Variants in L3MBTL4 observed in about 807,000 individuals in gnomAD.
L3MBTL4 encodes L3MBTL histone methyl-lysine binding protein 4.
L3MBTL4 carries 70 observed loss-of-function variants against 84.5 expected under a neutral mutation model. That is an observed-to-expected ratio of 0.83 (90% confidence interval 0.68 to 1.01). L3MBTL4 has a LOEUF of 1.01. Ranked by LOEUF, L3MBTL4 falls within the 50% of genes least tolerant of loss-of-function variation. The pLI, the probability that L3MBTL4 is intolerant of heterozygous loss-of-function variation, is 0.00. For missense variants in L3MBTL4, 715 were observed against 754.8 expected (o/e 0.95, Z 0.62); for synonymous variants, 274 against 259.8 (o/e 1.05, Z -0.52).
At chr18:5,958,070 GAAGA>G (rs2095239377) in intron 18 of L3MBTL4, among the ~76,000 whole-genome samples, 4 of 35,752 alleles carry the variant, frequency 1.1e-4, no homozygotes, top group Non-Finnish European at 1.6e-4. Flanking sequence ...AGGAGAAGAA[GAAGA>G]AGAAGAAGAA....
At chr18:6,147,892 A>G (rs770121501) in intron 13 of L3MBTL4, among the ~76,000 whole-genome samples, 16 of 152,210 alleles carry the variant, frequency 1.1e-4, no homozygotes, top group Non-Finnish European at 2.4e-4. Context: ...TGCATTTATC[A>G]TATGTTCAGC....
chr18:6,088,865 A>G (rs1246939449), intron 15 of L3MBTL4, among the ~76,000 whole-genome samples: 4 of 152,164 alleles, frequency 2.6e-5, no homozygotes, highest in African/African-American at 9.7e-5. Flanking sequence ...GATTACCACA[A>G]TTTTCCCCAG....
At chr18:6,172,988 G>A (rs2044048585) in intron 12 of L3MBTL4, among the ~76,000 whole-genome samples, 1 of 152,134 alleles carries the variant, frequency 6.6e-6, no homozygotes, top group Admixed American at 6.5e-5. Context: ...GTGATTCTTA[G>A]ACTATCAGCA....
chr18:6,003,711 A>C (rs986987675), intron 16 of L3MBTL4, among the ~76,000 whole-genome samples: 1 of 152,084 alleles, frequency 6.6e-6, no homozygotes, highest in Non-Finnish European at 1.5e-5. Flanking sequence ...TCCTCTGACC[A>C]CAATTAGGTG....
chr18:6,091,145 A>G (rs1310137332), intron 15 of L3MBTL4, among the ~76,000 whole-genome samples: 7 of 152,218 alleles, frequency 4.6e-5, no homozygotes, highest in African/African-American at 1.7e-4. Context: ...GGACAGTACT[A>G]CAAGTAAGCT....
intron 13 of L3MBTL4, among the ~76,000 whole-genome samples, chr18:6,151,541 C>T (rs550196611): frequency 5.7e-4 from 87 of 152,084 alleles, no homozygotes; most frequent in Non-Finnish European, 8.1e-4. Flanking sequence ...TACAGGCACG[C>T]GCCACCAGGC....
At chr18:6,018,480 C>G (rs962108342) in intron 16 of L3MBTL4, among the ~76,000 whole-genome samples, 16 of 152,160 alleles carry the variant, frequency 1.1e-4, no homozygotes. Context: ...CCACGGAAAG[C>G]CTGGTAGATT....
At chr18:6,294,531 T>C (rs1284434069) in intron 4 of L3MBTL4, among the ~76,000 whole-genome samples, 2 of 152,120 alleles carry the variant, frequency 1.3e-5, no homozygotes, top group Non-Finnish European at 2.9e-5. Context: ...CCTCTGGCTT[T>C]AGGAAGAGAA....
At position 6,171,891 on chromosome 18, in the gene L3MBTL4, T is replaced by G; in HGVS notation, c.1033A>C (p.Ser345Arg). ...CATCCGATCGGGTGGATATCAGGGCTGTCTGCCTCCACCCAGTAGTCATAC... is the reference window on the plus strand; with the variant it reads ...CATCCGATCGGGTGGATATCAGGGCGGTCTGCCTCCACCCAGTAGTCATAC... ...HKYDYWVEAD[S>R]PDIHPIGWCD... The change falls in exon 13 of 19, where the codon AGC (serine) becomes CGC (arginine). Residue 345 changes from serine to arginine, a missense_variant. Coordinates refer to ENST00000317931, the MANE Select transcript of L3MBTL4 (RefSeq NM_001330559.2). 2 of 1,557,888 alleles carry G rather than the reference T, an allele frequency of 1.3e-6. No individual in the cohort carries two copies. Among genetic ancestry groups the G allele is most frequent in the Non-Finnish European group, 1.7e-6 (2 of 1,149,598 alleles).
At chr18:6,251,050 G>GA (rs773745406) in intron 5 of L3MBTL4, among the ~76,000 whole-genome samples, 8 of 150,204 alleles carry the variant, frequency 5.3e-5, no homozygotes, top group South Asian at 2.1e-4. Flanking sequence ...TCACTCAATG[G>GA]AAAAAAAAAT....
chr18:5,968,868 C>A (rs1217726878), intron 17 of L3MBTL4, among the ~76,000 whole-genome samples: 1 of 152,282 alleles, frequency 6.6e-6, no homozygotes, highest in South Asian at 2.1e-4. Flanking sequence ...GAAGGTGGGC[C>A]TGCTCATCTT....
At chr18:5,994,227 C>T (rs774183619) in intron 16 of L3MBTL4, among the ~76,000 whole-genome samples, 24 of 152,314 alleles carry the variant, frequency 1.6e-4, no homozygotes, top group Middle Eastern at 3.4e-3. Flanking sequence ...GTGCCTCTAC[C>T]GGCCAGGCAT....
chr18:6,276,011 A>T lies in L3MBTL4; in HGVS notation c.128-11973T>A, dbSNP rs187411727. Among the ~76,000 whole-genome samples, 403 of 152,334 alleles carry T rather than the reference A, an allele frequency of 2.6e-3. 5 individuals are homozygous for T. Among genetic ancestry groups the T allele is most frequent in the African/African-American group, 9.4e-3 (391 of 41,582 alleles). On this transcript the variant is annotated intron_variant, in intron 4 of 18. Transcript: ENST00000317931. ...GTCCACAAGGAAATTCCTCGTGGAC[A>T]AAGGACAGACAGAACTCAAAGTCAT...
Position 6,315,084 on chromosome 18 carries a change from C to T in L3MBTL4, c.-90-3028G>A, listed in dbSNP as rs543064009. On this transcript the variant is annotated intron_variant, in intron 1 of 18. Transcript: ENST00000317931. ...AAATGAATAAGAAATGTAATACATG[C>T]CATTAAAAAATTACAGAGTGGCCTG... 3.0e-4 allele frequency among the ~76,000 whole-genome samples: 46 copies of T among 152,204 alleles called. No individual in the cohort carries two copies. The South Asian group carries it at 8.7e-3, about 29-fold the overall frequency.
chr18:6,119,543 T>C (rs1270442899), intron 14 of L3MBTL4, among the ~76,000 whole-genome samples: 1 of 152,212 alleles, frequency 6.6e-6, no homozygotes, highest in Non-Finnish European at 1.5e-5. Context: ...TGAATGCGTA[T>C]GGATCGCTGT....
intron 12 of L3MBTL4, among the ~76,000 whole-genome samples, chr18:6,185,845 T>G (rs1170778127): frequency 6.6e-6 from 1 of 151,976 alleles, no homozygotes; most frequent in Non-Finnish European, 1.5e-5. Flanking sequence ...AATAGACATG[T>G]GAGAAATGAC....
chr18:6,229,761 C>T (rs987704566), intron 10 of L3MBTL4, among the ~76,000 whole-genome samples: 13 of 152,252 alleles, frequency 8.5e-5, no homozygotes, highest in Non-Finnish European at 1.5e-4. Flanking sequence ...TCTTGGCTCC[C>T]TTGTTGAAAA....
intron 4 of L3MBTL4, among the ~76,000 whole-genome samples, chr18:6,266,620 C>T (rs1346395820): frequency 6.6e-6 from 1 of 152,156 alleles, no homozygotes; most frequent in Non-Finnish European, 1.5e-5. Flanking sequence ...TTCACGTAAA[C>T]TTTTTGTCGT....
rs1027575755 is a variant in L3MBTL4, at chr18:5,955,048, C to A, written c.*1172G>T. On this transcript the variant is annotated 3_prime_UTR_variant, in exon 19 of 19. Coordinates refer to ENST00000317931, the MANE Select transcript of L3MBTL4 (RefSeq NM_001330559.2). ...TAGAACCTCTCCCTCTTTCTCCCCA[C>A]CCACAAATGGTGTCCCTCCACTTCT... The A allele has an allele frequency of 2.0e-5, 3 of 152,156 alleles. No individual in the cohort carries two copies. Among genetic ancestry groups the A allele is most frequent in the African/African-American group, 7.2e-5 (3 of 41,434 alleles). 9.4% of individuals were successfully genotyped at this position (152,156 alleles called of 1,614,324 possible). A position where few individuals can be genotyped will look rare whatever the true frequency, so the allele number is the denominator to read the frequency against.
Sources: allele counts gnomAD v4.1 joint callset (sites outside exome capture counted in the v4.1 genomes callset), GRCh38; gene constraint gnomAD v4.1.1; transcripts MANE v1.5; gene names NCBI Gene and HGNC (gene_info 2026-07-23, HGNC 2026-07-21).